SOX6: variants seen among roughly 807,000 people sequenced by gnomAD.
SOX6 encodes SRY-box transcription factor 6.
Under a neutral mutation model 97.8 loss-of-function variants are expected in SOX6, and 11 were observed. That is an observed-to-expected ratio of 0.11 (90% CI 0.07 to 0.19). The LOEUF (loss-of-function observed/expected upper bound fraction) is 0.19, where lower values mean the gene tolerates loss of function less well. Among genes scored for constraint, SOX6 ranks in the 10% least tolerant of loss-of-function variants. The pLI is 1.00. For missense variants in SOX6, 810 were observed against 1,039.5 expected, an observed-to-expected ratio of 0.78 and a Z score of 3.04; for synonymous variants, 360 against 371.4, an observed-to-expected ratio of 0.97 and a Z score of 0.35.
chr11:16,542,008 T>C (rs1051932807), intron 4 of SOX6, among the ~76,000 whole-genome samples: 8 of 152,184 alleles, frequency 5.3e-5, no homozygotes, highest in African/African-American at 1.9e-4. Flanking sequence ...TTAAGACACA[T>C]GCACATGTAT....
At chr11:15,983,566 C>A (rs932380472) in intron 15 of SOX6, among the ~76,000 whole-genome samples, 6 of 151,998 alleles carry the variant, frequency 3.9e-5, no homozygotes, top group African/African-American at 1.4e-4. Flanking sequence ...CTTGTAATAA[C>A]CTCATATGTA....
chr11:16,550,492 TA>T (rs1259350052), intron 4 of SOX6, among the ~76,000 whole-genome samples: 4 of 151,758 alleles, frequency 2.6e-5, no homozygotes, highest in Non-Finnish European at 5.9e-5. Flanking sequence ...AATAAAAAAA[TA>T]AAAAATCTAT....
chr11:16,720,777 G>A (rs1848255057), intron 2 of SOX6, among the ~76,000 whole-genome samples: 1 of 151,996 alleles, frequency 6.6e-6, no homozygotes, highest in Non-Finnish European at 1.5e-5. Context: ...TATAAAGTAT[G>A]AGTAATTTTT....
At chr11:16,440,995 C>T (rs1859493205) in intron 1 of SOX6, among the ~76,000 whole-genome samples, 1 of 152,090 alleles carries the variant, frequency 6.6e-6, no homozygotes, top group Non-Finnish European at 1.5e-5. Flanking sequence ...TATGGTTCAG[C>T]CACCCTAAAA....
At position 16,444,221 on chromosome 11, in the gene SOX6, T is replaced by C. The variant is rs200693746; in HGVS notation, c.-5+32094A>G. 5.4e-4 allele frequency among the ~76,000 whole-genome samples: 83 copies of C among 152,306 alleles called. No homozygotes were observed. The East Asian group carries it at 0.014, about 25-fold the overall frequency. On this transcript the variant is annotated intron_variant, in intron 1 of 15. Coordinates refer to the SOX6 transcript ENST00000396356. Reference sequence around the variant, plus strand: ...GATCCATTTGTCAGAAGTCAAATTATACGAATGTGTTAAAAAATGGTTTAT... The same window carrying C: ...GATCCATTTGTCAGAAGTCAAATTACACGAATGTGTTAAAAAATGGTTTAT...
intron 9 of SOX6, 60 bp downstream of exon 9, chr11:16,095,936 A>T: frequency 1.3e-6 from 2 of 1,540,126 alleles, no homozygotes; most frequent in Admixed American, 1.8e-5. Flanking sequence ...AAAAAAGCCT[A>T]GAGTATGACT....
At chr11:16,063,249 C>A (rs926333143) in intron 9 of SOX6, among the ~76,000 whole-genome samples, 1 of 150,840 alleles carries the variant, frequency 6.6e-6, no homozygotes, top group Non-Finnish European at 1.5e-5. Context: ...CTTTAATAAC[C>A]AAGCCTGTTT....
intron 1 of SOX6, among the ~76,000 whole-genome samples, chr11:16,418,604 C>A (rs1052782407): frequency 1.6e-4 from 25 of 152,040 alleles, no homozygotes; most frequent in African/African-American, 6.0e-4. Context: ...ATATTCCTAA[C>A]AGCATTCAAT....
chr11:16,701,072 A>G (rs1462373562), intron 3 of SOX6, among the ~76,000 whole-genome samples: 2 of 152,244 alleles, frequency 1.3e-5, no homozygotes, highest in Non-Finnish European at 2.9e-5. Flanking sequence ...AGTTACACTT[A>G]CTATTTTATT....
chr11:16,141,674 T>C (rs919767342), intron 6 of SOX6, among the ~76,000 whole-genome samples: 4 of 151,904 alleles, frequency 2.6e-5, no homozygotes, highest in African/African-American at 4.8e-5. Context: ...CATTTTCCAA[T>C]GGTCTTAGCA....
At chr11:16,331,560 T>C (rs1856301635) in intron 2 of SOX6, among the ~76,000 whole-genome samples, 1 of 152,220 alleles carries the variant, frequency 6.6e-6, no homozygotes, top group Admixed American at 6.5e-5. Flanking sequence ...TATGGTGGGC[T>C]ACCAAGAAAC....
chr11:16,420,252 T>C lies in SOX6; in HGVS notation c.-5+56063A>G, dbSNP rs572739129. 1.4e-4 allele frequency among the ~76,000 whole-genome samples: 22 copies of C among 152,302 alleles called. No homozygotes were observed. In the South Asian group the frequency reaches 3.1e-3, roughly 21 times the overall value. ...TGATGTGCTACAATTAATAAGTTTTTTAAAGGGAAGGTACATTTATTCTTC... is the reference window on the plus strand; with the variant it reads ...TGATGTGCTACAATTAATAAGTTTTCTAAAGGGAAGGTACATTTATTCTTC... On this transcript the variant is annotated intron_variant, in intron 1 of 15. Transcript: ENST00000396356.
chr11:16,680,295 G>A (rs1034524921), intron 3 of SOX6, among the ~76,000 whole-genome samples: 2 of 152,126 alleles, frequency 1.3e-5, no homozygotes, highest in Non-Finnish European at 2.9e-5. Context: ...GAGAGTGGGG[G>A]CCAATATTCA....
chr11:16,421,174 GTACACCAAAA>G (rs746064735), intron 1 of SOX6, among the ~76,000 whole-genome samples: 11 of 152,132 alleles, frequency 7.2e-5, no homozygotes, highest in Non-Finnish European at 1.3e-4. Context: ...ATATTTATAA[GTACACCAAAA>G]TACACCAAAA....
chr11:16,454,113 T>G (rs1859769369), intron 1 of SOX6, among the ~76,000 whole-genome samples: 1 of 152,092 alleles, frequency 6.6e-6, no homozygotes, highest in African/African-American at 2.4e-5. Flanking sequence ...CAAATAACAT[T>G]CTTCTATAGG....
intron 3 of SOX6, among the ~76,000 whole-genome samples, chr11:16,689,534 G>A (rs112280538): frequency 5.9e-5 from 9 of 152,208 alleles, no homozygotes; most frequent in East Asian, 1.9e-4. Context: ...AGGTAGACCC[G>A]ATGCCTACTA....
chr11:16,378,107 T>C (rs1263043701), intron 1 of SOX6, among the ~76,000 whole-genome samples: 1 of 152,128 alleles, frequency 6.6e-6, no homozygotes, highest in African/African-American at 2.4e-5. Flanking sequence ...AGAGAAAACA[T>C]CAAAACAACC....
intron 1 of SOX6, among the ~76,000 whole-genome samples, chr11:16,441,327 C>T (rs1859498843): frequency 6.6e-6 from 1 of 152,106 alleles, no homozygotes; most frequent in African/African-American, 2.4e-5. Context: ...TCTCAGTGCA[C>T]ATATATGTAC....
chr11:16,594,982 G>T (rs964171752), intron 4 of SOX6, among the ~76,000 whole-genome samples: 3 of 152,072 alleles, frequency 2.0e-5, no homozygotes, highest in Admixed American at 6.5e-5. Flanking sequence ...GTGAGCCACC[G>T]CGCCCGGCCT....
Sources: allele counts gnomAD v4.1 joint callset (sites outside exome capture counted in the v4.1 genomes callset), GRCh38; gene constraint gnomAD v4.1.1; transcripts MANE v1.5; gene names NCBI Gene and HGNC (gene_info 2026-07-23, HGNC 2026-07-21).